The following CACNA1E variants were observed in gnomAD, a reference collection of about 807,000 sequenced individuals.
The protein encoded by CACNA1E is calcium voltage-gated channel subunit alpha1 E.
A neutral mutation model predicts 259.2 loss-of-function variants in CACNA1E; 40 were observed. The ratio of observed to expected loss-of-function variants is 0.15; its 90% CI spans 0.12 to 0.20. The LOEUF is 0.20. Among genes scored for constraint, CACNA1E ranks in the 10% least tolerant of loss-of-function variants. The pLI, the probability that CACNA1E is intolerant of heterozygous loss-of-function variation, is 1.00. For synonymous variants in CACNA1E, 1,104 were observed against 1,138.5 expected (o/e 0.97, Z 0.61); for missense variants, 1,874 against 3,040.1 (o/e 0.62, Z 9.02).
chr1:181,390,640 G>C (rs187918478), intron 1 of CACNA1E, among the ~76,000 whole-genome samples: 94 of 152,246 alleles, frequency 6.2e-4, no homozygotes, highest in Admixed American at 2.2e-3. Flanking sequence ...GTAGTACGAG[G>C]CTTGAGCCTG....
chr1:181,352,749 GGAGGGT>G (rs1173564661), intron 1 of CACNA1E, among the ~76,000 whole-genome samples: 2 of 152,174 alleles, frequency 1.3e-5, no homozygotes, highest in Non-Finnish European at 2.9e-5. Flanking sequence ...GGTTGTGATT[GGAGGGT>G]GCGGGCTCTT....
At chr1:181,317,827 C>T (rs1383510923) in exon 1 of CACNA1E, 1 of 152,142 alleles carries the variant, frequency 6.6e-6, no homozygotes, top group African/African-American at 2.4e-5. Context: ...AGTTCTCTTT[C>T]TGATTGCCAG....
At chr1:181,504,802 G>A (rs544886) in intron 1 of CACNA1E, among the ~76,000 whole-genome samples, 3,361 of 152,284 alleles carry the variant, frequency 0.022, 94 homozygotes, top group East Asian at 0.13. Flanking sequence ...AGGAGCATTG[G>A]GTAAAGGAGA....
intron 7 of CACNA1E, among the ~76,000 whole-genome samples, chr1:181,694,654 C>T (rs555503202): frequency 6.6e-6 from 1 of 152,264 alleles, no homozygotes; most frequent in Admixed American, 6.5e-5. Flanking sequence ...TCTCAGCCAC[C>T]AGAACAATGA....
chr1:181,684,084 A>G (rs1038321737), intron 7 of CACNA1E, among the ~76,000 whole-genome samples: 1 of 152,092 alleles, frequency 6.6e-6, no homozygotes, highest in Non-Finnish European at 1.5e-5. Context: ...GGCTGAACTG[A>G]TTTACATTCT....
intron 3 of CACNA1E, among the ~76,000 whole-genome samples, chr1:181,561,796 C>G (rs1409906160): frequency 1.3e-5 from 2 of 152,200 alleles, no homozygotes; most frequent in East Asian, 3.8e-4. Flanking sequence ...CTGTAAGGAG[C>G]TGCCAAACTG....
At chr1:181,440,225 G>A (rs1190432994) in intron 2 of CACNA1E, among the ~76,000 whole-genome samples, 4 of 152,188 alleles carry the variant, frequency 2.6e-5, no homozygotes, top group African/African-American at 9.7e-5. Context: ...ATTGTCGTAT[G>A]CTTCCATAGA....
chr1:181,536,863 A>G (rs1447890622), intron 3 of CACNA1E, among the ~76,000 whole-genome samples: 1 of 151,680 alleles, frequency 6.6e-6, no homozygotes, highest in African/African-American at 2.4e-5. Context: ...TTGTGGGCAT[A>G]TTTTCCTTTT....
At chr1:181,719,898 T>C in intron 13 of CACNA1E, 35 bp downstream of exon 13, 1 of 1,218,494 alleles carries the variant, frequency 8.2e-7, no homozygotes, top group Non-Finnish European at 1.2e-6. Flanking sequence ...TCCCAATGTC[T>C]TTGAGAGTAG....
intron 7 of CACNA1E, among the ~76,000 whole-genome samples, chr1:181,706,037 C>T (rs188603367): frequency 6.6e-6 from 1 of 152,118 alleles, no homozygotes; most frequent in East Asian, 1.9e-4. Flanking sequence ...TGTAGAAACC[C>T]TGGATAGAAC....
intron 43 of CACNA1E, among the ~76,000 whole-genome samples, chr1:181,788,281 T>C (rs1292392472): frequency 6.6e-6 from 1 of 152,138 alleles, no homozygotes; most frequent in East Asian, 1.9e-4. Context: ...TTCCTGACAT[T>C]GGGACACTGG....
At chr1:181,555,163 G>A (rs542874651) in intron 3 of CACNA1E, among the ~76,000 whole-genome samples, 7 of 152,240 alleles carry the variant, frequency 4.6e-5, no homozygotes, top group African/African-American at 1.2e-4. Context: ...ACTTTTAACA[G>A]AATTTATCCT....
At position 181,485,105 on chromosome 1, in the gene CACNA1E, G is replaced by T. The variant is rs191873657; in HGVS notation, c.266+1095G>T. ...GTAGGAGGCAAGCTAGTGGTCTGGC[G>T]TTAAATATGGGGATGGGGTTGGAGA... is the stretch of plus-strand genomic sequence containing the variant. On this transcript the variant is annotated intron_variant, in intron 1 of 47. Transcript: ENST00000367573. The surrounding 1 kb of genome is among the most constrained non-coding windows in gnomAD (Gnocchi z 4.2). 2.0e-3 allele frequency among the ~76,000 whole-genome samples: 311 copies of T among 152,340 alleles called. 2 individuals carry two copies. The highest frequency in any genetic ancestry group is 2.7e-3 in the Non-Finnish European group (186 of 68,022).
At chr1:181,505,630 T>C (rs1283254141) in intron 1 of CACNA1E, among the ~76,000 whole-genome samples, 1 of 152,108 alleles carries the variant, frequency 6.6e-6, no homozygotes, top group Non-Finnish European at 1.5e-5. Context: ...CACCTCGGCT[T>C]CTGAAAGTGC....
At chr1:181,555,768 T>C (rs969978361) in intron 3 of CACNA1E, among the ~76,000 whole-genome samples, 5 of 152,218 alleles carry the variant, frequency 3.3e-5, no homozygotes, top group Non-Finnish European at 5.9e-5. Context: ...GTAAATATAA[T>C]GTACTATGTT....
At chr1:181,473,421 C>T (rs190538771) in intron 2 of CACNA1E, among the ~76,000 whole-genome samples, 1 of 152,300 alleles carries the variant, frequency 6.6e-6, no homozygotes, top group East Asian at 1.9e-4. Context: ...TGAATTAGCA[C>T]TCAGTTCTTG....
intron 2 of CACNA1E, among the ~76,000 whole-genome samples, chr1:181,427,123 A>C (rs1290195766): frequency 6.6e-6 from 1 of 150,874 alleles, no homozygotes; most frequent in Non-Finnish European, 1.5e-5. Flanking sequence ...TCTCCATCTC[A>C]GTGTCTCCCC....
At chr1:181,570,761 G>A (rs749563153) in intron 3 of CACNA1E, among the ~76,000 whole-genome samples, 42 of 152,012 alleles carry the variant, frequency 2.8e-4, no homozygotes, top group Non-Finnish European at 3.2e-4. Flanking sequence ...CCTTTTTCTT[G>A]TAAGGGCACC....
At chr1:181,646,370 G>A (rs1166442322) in intron 6 of CACNA1E, among the ~76,000 whole-genome samples, 2 of 152,212 alleles carry the variant, frequency 1.3e-5, no homozygotes, top group Non-Finnish European at 2.9e-5. Context: ...CTCCACAGGT[G>A]CTGGCAGTGC....
Sources: allele counts gnomAD v4.1 joint callset (sites outside exome capture counted in the v4.1 genomes callset), GRCh38; gene constraint gnomAD v4.1.1; non-coding constraint Gnocchi (gnomAD v3.1); transcripts MANE v1.5; gene names NCBI Gene and HGNC (gene_info 2026-07-23, HGNC 2026-07-21).